NR2F1-AS1: variants seen among roughly 807,000 people sequenced by gnomAD.
NR2F1-AS1 encodes NR2F1 antisense RNA 1.
intron 4 of NR2F1-AS1, among the ~76,000 whole-genome samples, chr5:93,541,702 C>T (rs1471871816): frequency 6.6e-6 from 1 of 151,996 alleles, no homozygotes; most frequent in Non-Finnish European, 1.5e-5. Flanking sequence ...GCAACCTTTC[C>T]ACCTGTCCTG....
chr5:93,549,327 A>AT (rs1391235742), intron 4 of NR2F1-AS1, among the ~76,000 whole-genome samples: 1 of 152,220 alleles, frequency 6.6e-6, no homozygotes, highest in Non-Finnish European at 1.5e-5. Flanking sequence ...TTATAAAGAC[A>AT]ATGAAATAGC....
intron 4 of NR2F1-AS1, among the ~76,000 whole-genome samples, chr5:93,505,954 G>A (rs983022639): frequency 4.6e-5 from 7 of 152,154 alleles, no homozygotes; most frequent in Non-Finnish European, 7.3e-5. Context: ...TCAGAAAAAT[G>A]GGTTTTTCTT....
rs142212831 is a variant in NR2F1-AS1, at chr5:93,484,036, T to C, written n.638+69725A>G. ...AGTTGGAAAACATGCTTCAGGATAT[T>C]ATCCATGAGAACTTCCCCAACCTAG... On this transcript the variant is annotated intron_variant and non_coding_transcript_variant, in intron 4 of 5. Transcript: ENST00000660523. Among the ~76,000 whole-genome samples the C allele has an allele frequency of 2.4e-3, 365 of 152,286 alleles. 2 individuals carry two copies. Among genetic ancestry groups the C allele is most frequent in the African/African-American group, 8.3e-3 (345 of 41,544 alleles).
chr5:93,485,606 G>C (rs1232887062), intron 4 of NR2F1-AS1, among the ~76,000 whole-genome samples: 1 of 152,086 alleles, frequency 6.6e-6, no homozygotes, highest in Non-Finnish European at 1.5e-5. Flanking sequence ...AAATAACTAA[G>C]ATCAGAGCAG....
chr5:93,564,676 G>A (rs1163180074), intron 1 of NR2F1-AS1, among the ~76,000 whole-genome samples: 1 of 152,078 alleles, frequency 6.6e-6, no homozygotes, highest in Non-Finnish European at 1.5e-5. Context: ...ACATAAAAAA[G>A]GAAAAGTAAT....
At chr5:93,539,377 G>C (rs1214410968) in intron 4 of NR2F1-AS1, among the ~76,000 whole-genome samples, 3 of 152,062 alleles carry the variant, frequency 2.0e-5, no homozygotes, top group Non-Finnish European at 4.4e-5. Flanking sequence ...ACAGATGAAT[G>C]GATAAAGACA....
intron 4 of NR2F1-AS1, among the ~76,000 whole-genome samples, chr5:93,473,085 C>T (rs560113372): frequency 6.6e-6 from 1 of 151,906 alleles, no homozygotes; most frequent in East Asian, 1.9e-4. Context: ...ATTTTTGTTG[C>T]TGCCAAATGC....
Position 93,574,064 on chromosome 5 carries a change from A to G in NR2F1-AS1, n.313+6403T>C, listed in dbSNP as rs571493459. Among the ~76,000 whole-genome samples, 385 of 152,384 alleles carry G rather than the reference A, an allele frequency of 2.5e-3. 1 individual carries two copies. Among genetic ancestry groups the G allele is most frequent in the African/African-American group, 8.3e-3 (344 of 41,592 alleles). ...AGTCATTTCAGCTCCATTGTCTGCA[A>G]TTAGTCCTGCTAAACTACTACACCC... On this transcript the variant is annotated intron_variant and non_coding_transcript_variant, in intron 1 of 5. Coordinates refer to ENST00000660523, the Ensembl canonical transcript of NR2F1-AS1.
At position 93,579,731 on chromosome 5, in the gene NR2F1-AS1, C is replaced by T. The variant is rs554931787; in HGVS notation, n.313+736G>A. Among the ~76,000 whole-genome samples the T allele has an allele frequency of 6.6e-6, 1 of 152,098 alleles. No individual in the cohort carries two copies. Among genetic ancestry groups the T allele is most frequent in the South Asian group, 2.1e-4 (1 of 4,822 alleles). On this transcript the variant is annotated intron_variant and non_coding_transcript_variant, in intron 1 of 5. Transcript: ENST00000660523. This position sits in a 1 kb window ranked among gnomAD's most constrained non-coding sequence, Gnocchi z 5.1. ...TTGAGCCTCTTCCTTTCAACACACC[C>T]CCTCTGTCCCCACCCCTGGGAGGCG... is the stretch of plus-strand genomic sequence containing the variant.
intron 4 of NR2F1-AS1, among the ~76,000 whole-genome samples, chr5:93,549,368 A>G (rs1369042714): frequency 6.6e-6 from 1 of 152,190 alleles, no homozygotes; most frequent in East Asian, 1.9e-4. Context: ...TAATAGAATA[A>G]ATCTTATTCA....
chr5:93,548,486 C>T (rs925568382), intron 4 of NR2F1-AS1, among the ~76,000 whole-genome samples: 1 of 152,098 alleles, frequency 6.6e-6, no homozygotes, highest in Non-Finnish European at 1.5e-5. Context: ...TGGAGAATGG[C>T]ATTATTTTAC....
At chr5:93,416,550 T>C (rs893069618) in intron 4 of NR2F1-AS1, among the ~76,000 whole-genome samples, 1 of 152,202 alleles carries the variant, frequency 6.6e-6, no homozygotes, top group African/African-American at 2.4e-5. Flanking sequence ...ACAGCTGACA[T>C]GTGGGAGTTT....
At chr5:93,560,983 C>T (rs1752473794) in intron 2 of NR2F1-AS1, among the ~76,000 whole-genome samples, 1 of 152,168 alleles carries the variant, frequency 6.6e-6, no homozygotes, top group Non-Finnish European at 1.5e-5. Flanking sequence ...TCTAAAAGAG[C>T]TATCTGATGG....
chr5:93,416,117 A>C (rs1009601951), intron 4 of NR2F1-AS1, among the ~76,000 whole-genome samples: 8 of 152,222 alleles, frequency 5.3e-5, no homozygotes, highest in African/African-American at 1.9e-4. Flanking sequence ...TCACCCACAC[A>C]GCTTATGAAA....
chr5:93,501,430 A>G (rs1411551918), intron 4 of NR2F1-AS1, among the ~76,000 whole-genome samples: 1 of 149,770 alleles, frequency 6.7e-6, no homozygotes, highest in Admixed American at 6.7e-5. Flanking sequence ...CTGGGCTCAC[A>G]GCAACCTCCG....
chr5:93,567,106 T>C (rs1341657631), intron 1 of NR2F1-AS1, among the ~76,000 whole-genome samples: 1 of 152,136 alleles, frequency 6.6e-6, no homozygotes, highest in East Asian at 1.9e-4. Context: ...CTAAAATTCT[T>C]TGGGCAAAAG....
At chr5:93,461,572 A>G (rs1042819739) in intron 4 of NR2F1-AS1, among the ~76,000 whole-genome samples, 4 of 152,204 alleles carry the variant, frequency 2.6e-5, no homozygotes, top group African/African-American at 9.7e-5. Flanking sequence ...CAAAAAAAAT[A>G]AGAAAAAGTA....
At chr5:93,545,215 T>C (rs1752055385) in intron 4 of NR2F1-AS1, among the ~76,000 whole-genome samples, 1 of 152,130 alleles carries the variant, frequency 6.6e-6, no homozygotes, top group Non-Finnish European at 1.5e-5. Flanking sequence ...CAACAAAAAT[T>C]TATTTCTCAC....
chr5:93,478,430 G>A (rs950437449), intron 4 of NR2F1-AS1, among the ~76,000 whole-genome samples: 2 of 152,142 alleles, frequency 1.3e-5, no homozygotes, highest in Non-Finnish European at 2.9e-5. Context: ...TTTTGAGACA[G>A]TCTTGCTCTG....
Sources: gnomAD v4.1 joint callset for allele counts (sites outside exome capture counted in the v4.1 genomes callset) on GRCh38, gnomAD v4.1.1 for gene constraint, Gnocchi (gnomAD v3.1) non-coding constraint, MANE v1.5 for transcripts, NCBI Gene and HGNC (gene_info 2026-07-23, HGNC 2026-07-21) for gene names.